GPC5: variants seen among roughly 807,000 people sequenced by gnomAD.
GPC5 encodes the protein glypican 5.
A neutral mutation model predicts 53.9 loss-of-function variants in GPC5; 47 were observed. The ratio of observed to expected loss-of-function variants is 0.87; its 90% CI spans 0.69 to 1.11. The LOEUF is 1.11. GPC5 is among the 50% of genes most tolerant of loss of function. The pLI is 0.00. For missense variants in GPC5, 748 were observed against 713.1 expected, an observed-to-expected ratio of 1.05 and a Z score of -0.56; for synonymous variants, 286 against 263.3, an observed-to-expected ratio of 1.09 and a Z score of -0.84.
intron 7 of GPC5, among the ~76,000 whole-genome samples, chr13:92,231,932 T>C (rs529743457): frequency 2.0e-5 from 3 of 152,150 alleles, no homozygotes; most frequent in South Asian, 2.1e-4. Context: ...CGCCACTGCA[T>C]TCCAGTCTGG....
At chr13:92,817,965 C>A (rs1877533419) in intron 7 of GPC5, among the ~76,000 whole-genome samples, 1 of 151,080 alleles carries the variant, frequency 6.6e-6, no homozygotes, top group Non-Finnish European at 1.5e-5. Flanking sequence ...ACAAAACTTT[C>A]CACCTGGGTA....
At chr13:92,425,734 A>C (rs1411158968) in intron 7 of GPC5, among the ~76,000 whole-genome samples, 1 of 152,076 alleles carries the variant, frequency 6.6e-6, no homozygotes, top group Non-Finnish European at 1.5e-5. Flanking sequence ...TTGGCTCCTC[A>C]CTAGGAAAGA....
chr13:92,206,409 C>A (rs2042337933), intron 7 of GPC5, among the ~76,000 whole-genome samples: 3 of 151,540 alleles, frequency 2.0e-5, no homozygotes, highest in Admixed American at 2.0e-4. Flanking sequence ...TCGTGATCCA[C>A]CCGCTTCGGC....
chr13:92,614,052 T>G (rs1884596538), intron 7 of GPC5, among the ~76,000 whole-genome samples: 2 of 152,052 alleles, frequency 1.3e-5, no homozygotes, highest in Admixed American at 1.3e-4. Flanking sequence ...CTGCATGCCT[T>G]TCTAAGAAGA....
chr13:92,691,772 T>G (rs950620486), intron 7 of GPC5, among the ~76,000 whole-genome samples: 3 of 140,822 alleles, frequency 2.1e-5, no homozygotes, highest in Non-Finnish European at 3.1e-5. Flanking sequence ...GGTTTTAGGG[T>G]TTTTTTTTTT....
intron 7 of GPC5, among the ~76,000 whole-genome samples, chr13:92,336,531 T>C (rs2043324215): frequency 1.3e-5 from 2 of 149,250 alleles, no homozygotes; most frequent in African/African-American, 5.0e-5. Flanking sequence ...CCAAGATTAA[T>C]ATTGTCTTAG....
intron 4 of GPC5, among the ~76,000 whole-genome samples, chr13:91,730,660 C>T (rs1398181342): frequency 6.6e-6 from 1 of 152,222 alleles, no homozygotes; most frequent in African/African-American, 2.4e-5. Flanking sequence ...TAACTGGACT[C>T]ACCATCAGAG....
chr13:91,850,811 A>G (rs2038904970), intron 5 of GPC5, among the ~76,000 whole-genome samples: 1 of 152,174 alleles, frequency 6.6e-6, no homozygotes, highest in African/African-American at 2.4e-5. Context: ...TGATCTACAC[A>G]AGAAAAAGGT....
chr13:92,711,212 A>G (rs2139269669), intron 7 of GPC5, among the ~76,000 whole-genome samples: 1 of 152,336 alleles, frequency 6.6e-6, no homozygotes, highest in Non-Finnish European at 1.5e-5. Context: ...TAATGTCACC[A>G]TTACATGCAT....
chr13:92,641,781 T>C (rs910248503), intron 7 of GPC5, among the ~76,000 whole-genome samples: 4 of 152,226 alleles, frequency 2.6e-5, no homozygotes, highest in African/African-American at 9.6e-5. Context: ...TATCCTTTTC[T>C]ATAAATAAAG....
intron 7 of GPC5, among the ~76,000 whole-genome samples, chr13:92,270,781 A>C (rs1257610724): frequency 6.6e-6 from 1 of 152,202 alleles, no homozygotes; most frequent in African/African-American, 2.4e-5. Flanking sequence ...ATTTATTTAA[A>C]TCCTTTTCTG....
At chr13:91,449,631 A>G (rs1419265814) in intron 2 of GPC5, among the ~76,000 whole-genome samples, 1 of 152,176 alleles carries the variant, frequency 6.6e-6, no homozygotes, top group Non-Finnish European at 1.5e-5. Flanking sequence ...AGTGCAAGCA[A>G]GTCTGATAAA....
intron 6 of GPC5, among the ~76,000 whole-genome samples, chr13:91,988,527 C>T (rs997675757): frequency 1.3e-5 from 2 of 152,164 alleles, no homozygotes; most frequent in African/African-American, 4.8e-5. Flanking sequence ...AGATTAGGAA[C>T]AGCAATCTGG....
intron 7 of GPC5, among the ~76,000 whole-genome samples, chr13:92,199,002 G>A (rs892790640): frequency 6.6e-6 from 1 of 152,136 alleles, no homozygotes; most frequent in African/African-American, 2.4e-5. Context: ...TTAGCATTCA[G>A]AGGAAGCCAA....
chr13:91,422,934 T>G (rs947708065), intron 1 of GPC5, among the ~76,000 whole-genome samples: 1 of 152,238 alleles, frequency 6.6e-6, no homozygotes, highest in African/African-American at 2.4e-5. Context: ...GTCTTAATAC[T>G]GTTACATTGC....
intron 7 of GPC5, among the ~76,000 whole-genome samples, chr13:92,758,492 A>G (rs1331849095): frequency 6.6e-6 from 1 of 152,048 alleles, no homozygotes; most frequent in Non-Finnish European, 1.5e-5. Flanking sequence ...AAAAAAAAGA[A>G]TATTTTCTGT....
intron 1 of GPC5, among the ~76,000 whole-genome samples, chr13:91,412,501 A>T (rs1259099806): frequency 6.6e-6 from 1 of 152,266 alleles, no homozygotes; most frequent in African/African-American, 2.4e-5. Flanking sequence ...AAAGGTTAGC[A>T]TCCTTAATCA....
At chr13:91,629,362 G>T (rs2034095887) in intron 2 of GPC5, among the ~76,000 whole-genome samples, 1 of 151,948 alleles carries the variant, frequency 6.6e-6, no homozygotes, top group South Asian at 2.1e-4. Flanking sequence ...TTTTTTTCAG[G>T]CTGGGCATGA....
rs556233063 is a variant in GPC5 at position 91,578,910 on chromosome 13, G to A, written c.326-114277G>A. 2.0e-5 allele frequency among the ~76,000 whole-genome samples: 3 copies of A among 152,032 alleles called. No individual in the cohort carries two copies. In the South Asian group the frequency reaches 6.3e-4, roughly 32 times the overall value. Reference sequence around the variant, plus strand: ...AAACATAAAAAAATTAGCTGGGAGTGGTGGCATGTGCCTGTAGTCCCAGTC... The same window carrying A: ...AAACATAAAAAAATTAGCTGGGAGTAGTGGCATGTGCCTGTAGTCCCAGTC... On this transcript the variant is annotated intron_variant, in intron 2 of 7. Coordinates refer to ENST00000377067, the MANE Select transcript of GPC5 (RefSeq NM_004466.6).
Sources: gnomAD v4.1 joint callset for allele counts (sites outside exome capture counted in the v4.1 genomes callset) on GRCh38, gnomAD v4.1.1 for gene constraint, MANE v1.5 for transcripts, NCBI Gene and HGNC (gene_info 2026-07-23, HGNC 2026-07-21) for gene names.